SBF1: variants seen among roughly 807,000 people sequenced by gnomAD.
SBF1 encodes the protein myotubularin-related protein 5.
In SBF1, 65 loss-of-function variants were observed where a neutral mutation model predicts 215.8. That is an observed-to-expected ratio of 0.30 (90% confidence interval 0.25 to 0.37). The LOEUF (loss-of-function observed/expected upper bound fraction) is 0.37, where lower values mean the gene tolerates loss of function less well. SBF1 is among the 10% of genes least tolerant of loss of function. SBF1 has a pLI of 1.00. For missense variants in SBF1, 2,634 were observed against 2,667.8 expected (o/e 0.99, Z 0.28); for synonymous variants, 1,410 against 1,122.8 (o/e 1.26, Z -5.11).
In SBF1 at chr22:50,456,419, C is replaced by T. The variant is rs543897133; in HGVS notation, c.4087-24G>A. 63 of 1,608,134 alleles carry T rather than the reference C, an allele frequency of 3.9e-5. No homozygotes were observed. The South Asian group carries it at 5.0e-4, about 13-fold the overall frequency. On this transcript the variant is annotated intron_variant, in intron 30 of 40. Coordinates refer to ENST00000380817, the MANE Select transcript of SBF1 (RefSeq NM_002972.4). Reference sequence around the variant, plus strand: ...CCCTGAAAAGAATCCGGACAAGTCCCGTGAGACACATGAGGCCCCAAGCCC... The same window carrying T: ...CCCTGAAAAGAATCCGGACAAGTCCTGTGAGACACATGAGGCCCCAAGCCC...
intron 1 of SBF1, among the ~76,000 whole-genome samples, chr22:50,471,822 G>A (rs565964614): frequency 8.5e-5 from 13 of 152,316 alleles, no homozygotes; most frequent in African/African-American, 2.4e-4. Flanking sequence ...GGGCAGGAAC[G>A]TGGGTGGGGA....
At chr22:50,449,792 C>CA (rs1430089646) in intron 36 of SBF1, among the ~76,000 whole-genome samples, 107 of 152,316 alleles carry the variant, frequency 7.0e-4, no homozygotes, top group Non-Finnish European at 5.9e-5. Flanking sequence ...AACACGAGGC[C>CA]AACTGTCAAC....
rs369476797 is a variant in SBF1 at position 50,467,499 on chromosome 22, G to A, written c.438+33C>T. On this transcript the variant is annotated intron_variant, in intron 4 of 40. Coordinates refer to ENST00000380817, the MANE Select transcript of SBF1 (RefSeq NM_002972.4). ...TGGGACAGCCGATGGAAGCACCCTCGTCGTGCCTCGCCGCCCCGGCTGCCG... is the reference window on the plus strand; with the variant it reads ...TGGGACAGCCGATGGAAGCACCCTCATCGTGCCTCGCCGCCCCGGCTGCCG... The A allele has an allele frequency of 3.7e-5, 59 of 1,613,828 alleles. No homozygotes were observed. The Admixed American group carries it at 4.2e-4, about 11-fold the overall frequency.
In SBF1 at chr22:50,454,924, C is replaced by G; in HGVS notation, c.4702G>C (p.Gly1568Arg). 1.9e-6 allele frequency: 3 copies of G among 1,614,088 alleles called. No homozygotes were observed. Among genetic ancestry groups the G allele is most frequent in the Non-Finnish European group, 2.5e-6 (3 of 1,180,016 alleles). Reference protein sequence around the residue: ...IELGLLYEEKGERRGQVPCRS... With the variant: ...IELGLLYEEKRERRGQVPCRS... The stretch of plus-strand genomic sequence containing the variant: ...CACGGCACCTGGCCCCTGCGTTCCC[C>G]CTTCTCCTCATACAGCAGCCCTGCA... The change falls in exon 35 of 41, where the codon GGG becomes CGG. Residue 1568 changes from glycine (G) to arginine (R), a missense_variant. By Grantham distance (125) the Gly-to-Arg change is moderately radical (BLOSUM62 -2). Coordinates refer to ENST00000380817, the MANE Select transcript of SBF1 (RefSeq NM_002972.4).
chr22:50,448,130 C>T, intron 38 of SBF1, 103 bp downstream of exon 38: 1 of 1,148,616 alleles, frequency 8.7e-7, no homozygotes, highest in Non-Finnish European at 1.3e-6. Flanking sequence ...TATACTTAAG[C>T]AAGCTCCTCA....
At chr22:50,455,743 C>T (rs1198627772) in intron 31 of SBF1, 161 bp from the exon 32 acceptor site, 7 of 647,326 alleles carry the variant, frequency 1.1e-5, no homozygotes, top group East Asian at 8.2e-5. Flanking sequence ...AAACACAGCT[C>T]GCTCTGGGTG....
rs1169898171 is a variant in SBF1 at position 50,475,032 on chromosome 22, G to A, written c.-192C>T. The A allele has an allele frequency of 1.6e-5, 3 of 191,542 alleles. No homozygotes were observed. Among genetic ancestry groups the A allele is most frequent in the East Asian group, 1.6e-4 (1 of 6,102 alleles). 11.9% of individuals were successfully genotyped at this position (191,542 alleles called of 1,614,324 possible). A position where few individuals can be genotyped will look rare whatever the true frequency, so the allele number is the denominator to read the frequency against. ...CGCCATCTTCCCAGCCAGCCGGCCC[G>A]CCCGGGCGCGCCGTGCGCCTGCGCG... On this transcript the variant is annotated 5_prime_UTR_variant, in exon 1 of 41. Coordinates refer to ENST00000380817, the MANE Select transcript of SBF1 (RefSeq NM_002972.4).
At chr22:50,457,167 G>A (rs1034195064) in intron 28 of SBF1, 56 bp from the exon 29 acceptor site, 3 of 1,369,124 alleles carry the variant, frequency 2.2e-6, no homozygotes, top group Admixed American at 7.4e-5. Flanking sequence ...GGCGTGCCCA[G>A]CTTGGGGGTG....
intron 15 of SBF1, 152 bp from the exon 16 acceptor site, chr22:50,463,584 A>C (rs1603433298): frequency 1.2e-6 from 1 of 814,106 alleles, no homozygotes. Flanking sequence ...AAAGACTAAA[A>C]CCTCCAGTGG....
chr22:50,451,562 T>A (rs550187239), intron 36 of SBF1, among the ~76,000 whole-genome samples: 1 of 152,160 alleles, frequency 6.6e-6, no homozygotes, highest in South Asian at 2.1e-4. Flanking sequence ...ATAGAAGCAA[T>A]GGCTTGAAAT....
intron 2 of SBF1, 53 bp from the exon 3 acceptor site, chr22:50,467,976 C>A (rs1392636971): frequency 2.5e-6 from 4 of 1,594,802 alleles, no homozygotes; most frequent in African/African-American, 2.7e-5. Context: ...TGGCAGGAAC[C>A]AGCCCACCCG....
In SBF1 at chr22:50,454,873, G is replaced by A. The variant is rs201583622; in HGVS notation, c.4753C>T (p.Arg1585Trp). Reference protein sequence around the residue: ...PCRSVWEYVDRLSKRTPVFHN... With the variant: ...PCRSVWEYVDWLSKRTPVFHN... Reference sequence around the variant, plus strand: ...AACACAGGCGTCCTCTTGCTCAGCCGGTCCACATACTCCCACACAGACCTG... The same window carrying A: ...AACACAGGCGTCCTCTTGCTCAGCCAGTCCACATACTCCCACACAGACCTG... Residue 1585 changes from arginine (R) to tryptophan (W), a missense_variant, in exon 35 of 41, where the codon CGG becomes TGG. Physicochemically the swap from Arg to Trp is moderately radical, Grantham distance 101 (BLOSUM62 -3). Transcript: ENST00000380817. 7.8e-5 allele frequency: 126 copies of A among 1,613,928 alleles called. 2 individuals are homozygous for A. In the Admixed American group the frequency reaches 1.1e-3, roughly 14 times the overall value.
Position 50,456,557 on chromosome 22 carries a change from C to G in SBF1, c.4021G>C (p.Asp1341His). Residue 1341 changes from aspartate (D) to histidine (H), a missense_variant, in exon 30 of 41, where the codon GAC (aspartate) becomes CAC (histidine). Physicochemically the swap from Asp to His is moderately conservative, Grantham distance 81. Transcript: ENST00000380817. ...APPQANGGPP[D>H]PGFLRPQRAA... is the part of the protein sequence containing the mutation. ...CGCTGCGGACGCAGGAAGCCCGGGT[C>G]GGGAGGGCCCCCGTTGGCCTGGGGT... The G allele has an allele frequency of 6.3e-7, 1 of 1,575,700 alleles. No individual in the cohort carries two copies. The highest frequency in any genetic ancestry group is 1.8e-5 in the Admixed American group (1 of 55,890).
At chr22:50,463,586 C>T (rs2067614465) in intron 15 of SBF1, among the ~76,000 whole-genome samples, 154 bp from the exon 16 acceptor site, 1 of 152,238 alleles carries the variant, frequency 6.6e-6, no homozygotes, top group Non-Finnish European at 1.5e-5. Flanking sequence ...AGACTAAAAC[C>T]TCCAGTGGGC....
intron 36 of SBF1, 125 bp from the exon 37 acceptor site, chr22:50,448,775 A>G: frequency 1.5e-6 from 1 of 684,438 alleles, no homozygotes; most frequent in South Asian, 1.8e-5. Context: ...GACTGGCCAC[A>G]GGGGGAGGTG....
chr22:50,471,903 G>A (rs888936372), intron 1 of SBF1, among the ~76,000 whole-genome samples: 8 of 152,206 alleles, frequency 5.3e-5, no homozygotes, highest in Non-Finnish European at 1.2e-4. Context: ...TAGGGTGAAA[G>A]GTCTTTTTCT....
At position 50,464,807 on chromosome 22, in the gene SBF1, C is replaced by T. The variant is rs2067677499; in HGVS notation, c.1431+12G>A. 1 of 1,613,392 alleles carries T rather than the reference C, an allele frequency of 6.2e-7. No individual in the cohort carries two copies. Among genetic ancestry groups the T allele is most frequent in the Non-Finnish European group, 8.5e-7 (1 of 1,179,874 alleles). On this transcript the variant is annotated intron_variant, in intron 13 of 40. Transcript: ENST00000380817. Reference sequence around the variant, plus strand: ...GGCGGTACGACGCCCTCCCGTCCTGCTACCCTCGTACGTTCTTGTAGAGCT... The same window carrying T: ...GGCGGTACGACGCCCTCCCGTCCTGTTACCCTCGTACGTTCTTGTAGAGCT...
rs1556414351 is a variant in SBF1, at chr22:50,446,132, G to GA, written c.*1009dup. The GA allele has an allele frequency of 1.3e-5, 2 of 152,752 alleles. No homozygotes were observed. Among genetic ancestry groups the GA allele is most frequent in the African/African-American group, 4.8e-5 (2 of 41,454 alleles). The allele number at this position is 152,752 out of a possible 1,614,324, so 9.5% of individuals were successfully genotyped here. A position where few individuals can be genotyped will look rare whatever the true frequency, so the allele number is the denominator to read the frequency against. ...GCAGGTGAAGCCCTGGGCCTGGTGGGACTCAGGTTTGAATAGGAAAAGAGC... is the reference window on the plus strand; with the variant it reads ...GCAGGTGAAGCCCTGGGCCTGGTGGGAACTCAGGTTTGAATAGGAAAAGAGC... On this transcript the variant is annotated 3_prime_UTR_variant, in exon 41 of 41. Transcript: ENST00000380817.
rs746754162 is a variant in SBF1, at chr22:50,474,983, G to A, written c.-143C>T. The A allele has an allele frequency of 8.4e-6, 3 of 355,970 alleles. No homozygotes were observed. Among genetic ancestry groups the A allele is most frequent in the African/African-American group, 2.2e-5 (1 of 44,888 alleles). 22.1% of individuals were successfully genotyped at this position (355,970 alleles called of 1,614,324 possible). On this transcript the variant is annotated 5_prime_UTR_variant, in exon 1 of 41. Coordinates refer to ENST00000380817, the MANE Select transcript of SBF1 (RefSeq NM_002972.4). ...TTCGCTCCGCGGCGGCGGCGGCGGC[G>A]GCGGCGGCGGCCCAGGTTCCCGCCG...
Sources: gnomAD v4.1 joint callset for allele counts (sites outside exome capture counted in the v4.1 genomes callset) on GRCh38, gnomAD v4.1.1 for gene constraint, MANE v1.5 for transcripts, NCBI Gene and HGNC (gene_info 2026-07-23, HGNC 2026-07-21) for gene names.